PLXNA1: variants seen among roughly 807,000 people sequenced by gnomAD.
The protein encoded by PLXNA1 is plexin-A1.
In PLXNA1, 77 loss-of-function variants were observed where a neutral mutation model predicts 191.7. The ratio of observed to expected loss-of-function variants is 0.40; its 90% CI spans 0.33 to 0.49. The LOEUF is 0.49. Among genes scored for constraint, PLXNA1 ranks in the 20% least tolerant of loss-of-function variants. The pLI is 0.63. For missense variants in PLXNA1, 2,110 were observed against 2,660.2 expected (o/e 0.79, Z 4.55); for synonymous variants, 1,137 against 1,156.4 (o/e 0.98, Z 0.34).
At chr3:127,017,125 G>GCCCCTA in intron 17 of PLXNA1, 88 bp downstream of exon 17, 1 of 1,245,182 alleles carries the variant, frequency 8.0e-7, no homozygotes, top group South Asian at 1.4e-5. Context: ...CCCTGCCCCT[G>GCCCCTA]CCCCTACCCC....
chr3:127,025,553 G>C (rs547261682), intron 23 of PLXNA1, among the ~76,000 whole-genome samples: 1 of 152,292 alleles, frequency 6.6e-6, no homozygotes, highest in African/African-American at 2.4e-5. Flanking sequence ...CCTGCTCCAT[G>C]ACTCTTCATC....
chr3:126,984,808 G>A (rs2078949473), intron 1 of PLXNA1, among the ~76,000 whole-genome samples: 1 of 152,220 alleles, frequency 6.6e-6, no homozygotes, highest in Non-Finnish European at 1.5e-5. Flanking sequence ...TGAGCCCCCA[G>A]GAAAGCCCCC....
chr3:127,022,791 C>G lies in PLXNA1; in HGVS notation c.4335C>G (p.Phe1445Leu). ...CAGAGAAGATGCTAACTAACTGGTTCACCTTCCTCTTGTATAAGTTCCTCA... is the reference window on the plus strand; with the variant it reads ...CAGAGAAGATGCTAACTAACTGGTTGACCTTCCTCTTGTATAAGTTCCTCA... ...SVAEKMLTNW[F>L]TFLLYKFLKE... The change falls in exon 23 of 32, where the codon TTC becomes TTG. Residue 1445 changes from phenylalanine to leucine, a missense_variant. Phe to Leu is a conservative substitution (Grantham distance 22). Around this residue, in one of 4 missense-constraint regions of PLXNA1, gnomAD observed 559 missense variants for 911.5 expected, o/e 0.61. Transcript: ENST00000393409. 1 of 1,614,052 alleles carries G rather than the reference C, an allele frequency of 6.2e-7. No individual in the cohort carries two copies. The highest frequency in any genetic ancestry group is 8.5e-7 in the Non-Finnish European group (1 of 1,179,972).
chr3:127,001,178 G>A (rs1455587263), intron 3 of PLXNA1, among the ~76,000 whole-genome samples: 3 of 152,118 alleles, frequency 2.0e-5, no homozygotes, highest in South Asian at 2.1e-4. Context: ...CTCACCCACC[G>A]TTCCTTTCCT....
At chr3:127,029,195 TG>T (rs2107638031) in intron 26 of PLXNA1, 99 bp downstream of exon 26, 3 of 1,005,100 alleles carry the variant, frequency 3.0e-6, no homozygotes, top group South Asian at 1.4e-5. Flanking sequence ...GGACAGCAGC[TG>T]GATCTGTCAG....
chr3:127,012,602 G>C (rs1465587711), intron 10 of PLXNA1, among the ~76,000 whole-genome samples: 1 of 152,252 alleles, frequency 6.6e-6, no homozygotes, highest in Non-Finnish European at 1.5e-5. Context: ...GCATGGCTCC[G>C]TCCATCCCTG....
intron 3 of PLXNA1, among the ~76,000 whole-genome samples, chr3:126,999,513 C>T (rs537197414): frequency 6.6e-6 from 1 of 152,342 alleles, no homozygotes; most frequent in African/African-American, 2.4e-5. Flanking sequence ...TGCCTCCCGG[C>T]GGCTGGGGCG....
intron 23 of PLXNA1, chr3:127,027,381 T>C: frequency 2.9e-6 from 1 of 344,908 alleles, no homozygotes; most frequent in Non-Finnish European, 5.7e-6. Flanking sequence ...CAGGTGGGTA[T>C]GTCAGTATCC....
intron 3 of PLXNA1, among the ~76,000 whole-genome samples, chr3:126,995,165 G>A (rs1292681347): frequency 2.6e-5 from 4 of 152,164 alleles, no homozygotes; most frequent in South Asian, 2.1e-4. Flanking sequence ...TGCCAACTTC[G>A]GCTATGGGGC....
At position 127,003,408 on chromosome 3, in the gene PLXNA1, A is replaced by G. The variant is rs773085393; in HGVS notation, c.1456A>G (p.Ile486Val). ...CGTCGTGGCCCAGGAGGGCAGCCCCATCCTGCGAGACCTCGTCCTCAGCCC... is the reference window on the plus strand; with the variant it reads ...CGTCGTGGCCCAGGAGGGCAGCCCCGTCCTGCGAGACCTCGTCCTCAGCCC... ...ESVVAQEGSP[I>V]LRDLVLSPNH... is the part of the protein sequence containing the mutation. Residue 486 changes from isoleucine to valine, a missense_variant, in exon 4 of 32, where the codon ATC becomes GTC. By Grantham distance (29) the Ile-to-Val change is conservative. Transcript: ENST00000393409. 3.7e-6 allele frequency: 6 copies of G among 1,611,616 alleles called. No individual in the cohort carries two copies. The Admixed American group carries it at 8.3e-5, about 22-fold the overall frequency.
chr3:127,017,806 A>T lies in PLXNA1; in HGVS notation c.3574A>T (p.Ile1192Phe), dbSNP rs747148568. The change falls in exon 19 of 32, where the codon ATC becomes TTC. Residue 1192 changes from isoleucine to phenylalanine, a missense_variant. By Grantham distance (21) the Ile-to-Phe change is conservative. Coordinates refer to ENST00000393409, the MANE Select transcript of PLXNA1 (RefSeq NM_032242.4). ...CTCCCGACTCAACTACACGGTGCTC[A>T]TCGGCTCCACACCCTGTACCCTCAC... ...GNSRLNYTVL[I>F]GSTPCTLTVS... is the part of the protein sequence containing the mutation. The T allele has an allele frequency of 1.7e-5, 27 of 1,612,628 alleles. No individual in the cohort carries two copies. Among genetic ancestry groups the T allele is most frequent in the African/African-American group, 2.7e-5 (2 of 74,890 alleles).
intron 15 of PLXNA1, 71 bp downstream of exon 15, chr3:127,015,391 T>G: frequency 6.5e-7 from 1 of 1,538,708 alleles, no homozygotes; most frequent in Non-Finnish European, 8.7e-7. Context: ...ATGCCCCTTC[T>G]TGTTGCCTGG....
Position 127,014,628 on chromosome 3 carries a change from C to A in PLXNA1, c.2755C>A (p.Gln919Lys). ...GGAGAGCGAGTACATCAGTGCGGAG[C>A]AGTGAGTGCAGCCCTGGGTGTGTGC... ...PVESEYISAE[Q>K]IVCEIGDASS... Residue 919 changes from glutamine (Q) to lysine (K), a missense_variant and splice_region_variant, in exon 13 of 32, where the codon CAG (glutamine) becomes AAG (lysine). By Grantham distance (53) the Gln-to-Lys change is moderately conservative (BLOSUM62 1). This residue lies in a region of PLXNA1 where 644 missense variants were observed against 714.3 expected (regional missense o/e 0.90). Transcript: ENST00000393409. 2 of 1,612,992 alleles carry A rather than the reference C, an allele frequency of 1.2e-6. No homozygotes were observed. Among genetic ancestry groups the A allele is most frequent in the South Asian group, 1.1e-5 (1 of 91,068 alleles).
chr3:127,010,484 G>A (rs1203854123), intron 9 of PLXNA1, among the ~76,000 whole-genome samples: 1 of 152,118 alleles, frequency 6.6e-6, no homozygotes, highest in Non-Finnish European at 1.5e-5. Context: ...TGGGGTGGGG[G>A]TATGGGGAGC....
chr3:126,986,682 A>G (rs1353127385), intron 1 of PLXNA1, among the ~76,000 whole-genome samples: 12 of 151,822 alleles, frequency 7.9e-5, no homozygotes, highest in Admixed American at 4.6e-4. Context: ...TGGCCGGGAG[A>G]ATGGGAGCAA....
chr3:127,012,778 A>G (rs1559960667), intron 10 of PLXNA1, among the ~76,000 whole-genome samples: 1 of 152,220 alleles, frequency 6.6e-6, no homozygotes, highest in Non-Finnish European at 1.5e-5. Flanking sequence ...AGAACCAGCC[A>G]TTTCCTGAGT....
rs753922302 is a variant in PLXNA1 at position 127,030,377 on chromosome 3, C to T, written c.5196C>T (p.His1732=). The T allele has an allele frequency of 6.8e-6, 11 of 1,613,970 alleles. No individual in the cohort carries two copies. Among genetic ancestry groups the T allele is most frequent in the African/African-American group, 4.0e-5 (3 of 75,066 alleles). Residue 1732 remains histidine (H), a synonymous_variant, in exon 29 of 32, where the codon CAC becomes CAT. Coordinates refer to ENST00000393409, the MANE Select transcript of PLXNA1 (RefSeq NM_032242.4). The part of the protein sequence containing the change: ...LDEQADKHQI[H]DADVRHTWKS... ...AGCAGGCCGACAAGCACCAGATCCA[C>T]GATGCTGACGTGCGCCACACCTGGA...
intron 15 of PLXNA1, among the ~76,000 whole-genome samples, chr3:127,016,313 G>A (rs1398428594): frequency 2.0e-5 from 3 of 152,148 alleles, no homozygotes; most frequent in African/African-American, 7.2e-5. Context: ...GGCAACAGTG[G>A]GGGCCTGAAG....
chr3:127,013,983 C>T (rs763658055), intron 10 of PLXNA1, 37 bp from the exon 11 acceptor site: 1 of 1,595,826 alleles, frequency 6.3e-7, no homozygotes, highest in South Asian at 1.1e-5. Flanking sequence ...CTGGAGGCCG[C>T]TTAGCTGGGA....
Sources: allele counts gnomAD v4.1 joint callset (sites outside exome capture counted in the v4.1 genomes callset), GRCh38; gene constraint gnomAD v4.1.1; regional missense constraint gnomAD v4.1.1; transcripts MANE v1.5; gene names NCBI Gene and HGNC (gene_info 2026-07-23, HGNC 2026-07-21).